ZMYM1: variants seen among roughly 807,000 people sequenced by gnomAD.
The protein encoded by ZMYM1 is zinc finger MYM-type containing 1, also known as zinc finger MYM-type protein 1.
A neutral mutation model predicts 60.0 loss-of-function variants in ZMYM1; 39 were observed. That is an observed-to-expected ratio of 0.65 (90% CI 0.50 to 0.85). The LOEUF (loss-of-function observed/expected upper bound fraction) is 0.85, where lower values mean the gene tolerates loss of function less well. Ranked by LOEUF, ZMYM1 falls within the 40% of genes least tolerant of loss-of-function variation. The pLI, the probability that ZMYM1 is intolerant of heterozygous loss-of-function variation, is 0.00. For synonymous variants in ZMYM1, 413 were observed against 454.0 expected (o/e 0.91, Z 1.15); for missense variants, 1,171 against 1,309.5 (o/e 0.89, Z 1.63).
chr1:35,071,816 A>G (rs533305060), intron 1 of ZMYM1, among the ~76,000 whole-genome samples: 7 of 152,336 alleles, frequency 4.6e-5, no homozygotes, highest in Admixed American at 1.3e-4. Context: ...AATAATTGAC[A>G]TTAGTTCTTC....
At chr1:35,071,048 C>T (rs191307467) in intron 1 of ZMYM1, among the ~76,000 whole-genome samples, 4 of 151,806 alleles carry the variant, frequency 2.6e-5, no homozygotes, top group Non-Finnish European at 5.9e-5. Context: ...CCACACCCAG[C>T]AATTTTTTTA....
chr1:35,064,061 C>G, intron 1 of ZMYM1, among the ~76,000 whole-genome samples: 1 of 152,130 alleles, frequency 6.6e-6, no homozygotes, highest in Non-Finnish European at 1.5e-5. Context: ...CACAGTGGCT[C>G]ACGCCTGTAA....
chr1:35,091,723 C>A (rs1345511489), intron 1 of ZMYM1, among the ~76,000 whole-genome samples: 5 of 148,956 alleles, frequency 3.4e-5, no homozygotes, highest in Middle Eastern at 3.5e-3. Flanking sequence ...AGGGAAACAC[C>A]TTCTCTACAA....
At chr1:35,088,454 ATGTGTGTGTGTGTGTGTGTG>A (rs764350525) in intron 1 of ZMYM1, among the ~76,000 whole-genome samples, 14 of 107,250 alleles carry the variant, frequency 1.3e-4, no homozygotes, top group Admixed American at 5.1e-4. Context: ...ATATATATAT[ATGTGTGTGTGTGTGTGTGTG>A]TGTGTGTGTG....
At chr1:35,106,976 C>T (rs545410242) in intron 6 of ZMYM1, among the ~76,000 whole-genome samples, 8 of 151,736 alleles carry the variant, frequency 5.3e-5, no homozygotes, top group African/African-American at 1.7e-4. Context: ...CTCAGCCTCG[C>T]GAGCAGCTGG....
intron 4 of ZMYM1, among the ~76,000 whole-genome samples, chr1:35,103,243 AAGC>A (rs1286555792): frequency 6.6e-6 from 1 of 152,148 alleles, no homozygotes; most frequent in African/African-American, 2.4e-5. Context: ...CTTAAACACT[AAGC>A]AGTTTCTCCT....
chr1:35,088,843 A>T (rs538557634), intron 1 of ZMYM1, among the ~76,000 whole-genome samples: 1 of 124,902 alleles, frequency 8.0e-6, no homozygotes, highest in Non-Finnish European at 1.6e-5. Context: ...ACAGAGTCTC[A>T]CACTCTTGCC....
At position 35,114,218 on chromosome 1, in the gene ZMYM1, A is replaced by G. The variant is rs545587733; in HGVS notation, c.2388A>G (p.Gln796=). ...TTCGAAACATTTATAGGCTAAGTCAAAACAAAACATGCAAGAAACATATAT... is the reference window on the plus strand; with the variant it reads ...TTCGAAACATTTATAGGCTAAGTCAGAACAAAACATGCAAGAAACATATAT... ...ANFRNIYRLS[Q]NKTCKKHISQ... The change falls in exon 10 of 10, where the codon CAA becomes CAG. Residue 796 remains glutamine, a synonymous_variant. Coordinates refer to ENST00000359858, the MANE Select transcript of ZMYM1 (RefSeq NM_024772.5). 1.2e-5 allele frequency: 20 copies of G among 1,613,600 alleles called. No homozygotes were observed. The East Asian group carries it at 2.0e-4, about 16-fold the overall frequency.
At chr1:35,097,242 G>A in intron 3 of ZMYM1, 75 bp from the exon 4 acceptor site, 1 of 1,491,754 alleles carries the variant, frequency 6.7e-7, no homozygotes, top group African/African-American at 1.4e-5. Context: ...AAAAAAGAAA[G>A]AAAGAAAATA....
intron 9 of ZMYM1, 26 bp from the exon 10 acceptor site, chr1:35,112,951 T>A (rs200597318): frequency 6.7e-7 from 1 of 1,492,838 alleles, no homozygotes; most frequent in Non-Finnish European, 8.9e-7. Flanking sequence ...AACTGTTAAA[T>A]GTTCTTTTCT....
chr1:35,063,031 G>T (rs1641903147), intron 1 of ZMYM1, among the ~76,000 whole-genome samples: 1 of 152,126 alleles, frequency 6.6e-6, no homozygotes, highest in South Asian at 2.1e-4. Flanking sequence ...CCTCCAGGCA[G>T]TGACTCAGGG....
chr1:35,107,304 CAA>C (rs1161051800), intron 6 of ZMYM1, among the ~76,000 whole-genome samples: 3 of 109,770 alleles, frequency 2.7e-5, no homozygotes. Flanking sequence ...ACTAAAAATA[CAA>C]AAAAAAAAAA....
chr1:35,086,581 A>G (rs1642665585), intron 1 of ZMYM1, among the ~76,000 whole-genome samples: 1 of 152,162 alleles, frequency 6.6e-6, no homozygotes, highest in South Asian at 2.1e-4. Context: ...TTGAGATTAT[A>G]TGTCTGTGAA....
At chr1:35,078,617 C>T (rs1642219888), upstream of ZMYM1, among the ~76,000 whole-genome samples, 2 of 132,054 alleles carry the variant, frequency 1.5e-5, no homozygotes, top group Non-Finnish European at 3.1e-5. Context: ...GGTACAATCT[C>T]AGCTCACTGC....
chr1:35,088,454 A>ATATATATATATATATG lies in ZMYM1; in HGVS notation c.-74-5459_-74-5458insATATATATATATATGT, dbSNP rs1464546786. Among the ~76,000 whole-genome samples, 4 of 107,250 alleles carry ATATATATATATATATG rather than the reference A, an allele frequency of 3.7e-5. No homozygotes were observed. The East Asian group carries it at 1.1e-3, about 29-fold the overall frequency. 70.4% of individuals were successfully genotyped at this position (107,250 alleles called of 152,430 possible). ...TATGTGTATATATATATATATATATATGTGTGTGTGTGTGTGTGTGTGTGT... is the reference window on the plus strand; with the variant it reads ...TATGTGTATATATATATATATATATATATATATATATATATGTGTGTGTGTGTGTGTGTGTGTGTGT... On this transcript the variant is annotated intron_variant, in intron 1 of 9. Coordinates refer to ENST00000359858, the MANE Select transcript of ZMYM1 (RefSeq NM_024772.5).
downstream of ZMYM1, among the ~76,000 whole-genome samples, chr1:35,118,721 G>A (rs984125471): frequency 1.3e-5 from 2 of 151,908 alleles, no homozygotes; most frequent in African/African-American, 4.8e-5. Flanking sequence ...AAAAAATCGA[G>A]GTTGGTGTTC....
intron 1 of ZMYM1, among the ~76,000 whole-genome samples, chr1:35,089,105 C>T (rs1642847563): frequency 6.6e-6 from 1 of 152,158 alleles, no homozygotes; most frequent in African/African-American, 2.4e-5. Flanking sequence ...AGCCACTGCG[C>T]CCAGCCTCCA....
chr1:35,100,850 T>C (rs1241292421), intron 4 of ZMYM1, among the ~76,000 whole-genome samples: 1 of 151,930 alleles, frequency 6.6e-6, no homozygotes, highest in Non-Finnish European at 1.5e-5. Context: ...TCACCCAGGT[T>C]GGAGTGCAGT....
At chr1:35,094,881 A>G (rs1390571553) in intron 2 of ZMYM1, among the ~76,000 whole-genome samples, 1 of 152,104 alleles carries the variant, frequency 6.6e-6, no homozygotes, top group African/African-American at 2.4e-5. Flanking sequence ...TTGTATATGA[A>G]CTGTGAACCA....
Sources: gnomAD v4.1 joint callset for allele counts (sites outside exome capture counted in the v4.1 genomes callset) on GRCh38, gnomAD v4.1.1 for gene constraint, MANE v1.5 for transcripts, NCBI Gene and HGNC (gene_info 2026-07-23, HGNC 2026-07-21) for gene names.